The following PPIG variants were observed in gnomAD, a reference collection of about 807,000 sequenced individuals.
PPIG encodes peptidylprolyl isomerase G.
PPIG carries 26 observed loss-of-function variants against 87.9 expected under a neutral mutation model. The observed-to-expected ratio is 0.30, with a 90% CI of 0.22 to 0.41. PPIG has a LOEUF of 0.41. Among genes scored for constraint, PPIG ranks in the 10% least tolerant of loss-of-function variants. PPIG has a pLI of 1.00. For missense variants in PPIG, 722 were observed against 879.4 expected (o/e 0.82, Z 2.26); for synonymous variants, 308 against 276.5 (o/e 1.11, Z -1.13).
chr2:169,584,419 T>G lies in PPIG; in HGVS notation c.-141T>G, dbSNP rs910115286. 2 of 470,976 alleles carry G rather than the reference T, an allele frequency of 4.2e-6. No individual in the cohort carries two copies. The highest frequency in any genetic ancestry group is 8.8e-6 in the Non-Finnish European group (2 of 227,038). The allele number at this position is 470,976 out of a possible 1,614,324, so 29.2% of individuals were successfully genotyped here. On this transcript the variant is annotated 5_prime_UTR_variant, in exon 1 of 14. Coordinates refer to ENST00000260970, the MANE Select transcript of PPIG (RefSeq NM_004792.3). The stretch of plus-strand genomic sequence containing the variant: ...AGGCGGTTAGCGGGCTTTAGCGCCT[T>G]TTCTGGCGGCGGTAGATTTGAAGCG...
chr2:169,589,380 C>T (rs888482278), intron 1 of PPIG, among the ~76,000 whole-genome samples: 1 of 152,140 alleles, frequency 6.6e-6, no homozygotes, highest in African/African-American at 2.4e-5. Flanking sequence ...TGTAAATATA[C>T]TCAAATGTTT....
rs1686303545 is a variant in PPIG, at chr2:169,641,204, G to A, written c.*3681G>A. 3 of 152,052 alleles carry A rather than the reference G, an allele frequency of 2.0e-5. No homozygotes were observed. The South Asian group carries it at 6.2e-4, about 32-fold the overall frequency. 9.4% of individuals were successfully genotyped at this position (152,052 alleles called of 1,614,324 possible). ...TTCTTTTCCTAGCCCAAAAGTCACT[G>A]TGATTATATTTTTTTAATGAAGTTT... On this transcript the variant is annotated 3_prime_UTR_variant, in exon 14 of 14. Transcript: ENST00000260970.
chr2:169,603,236 C>T (rs755197386), intron 1 of PPIG, among the ~76,000 whole-genome samples: 4 of 152,172 alleles, frequency 2.6e-5, no homozygotes, highest in Admixed American at 6.5e-5. Flanking sequence ...GTTTCTTCTA[C>T]GGGTAAGTAT....
Position 169,614,508 on chromosome 2 carries a change from A to G in PPIG, c.407+15A>G, listed in dbSNP as rs369749948. On this transcript the variant is annotated intron_variant, in intron 8 of 13. Transcript: ENST00000260970. ...CATTTAGATGGGTAAATATTATTTT[A>G]TTTATTTTACAACCTGTTTTAAATT... The G allele has an allele frequency of 1.9e-5, 29 of 1,558,722 alleles. No individual in the cohort carries two copies. The highest frequency in any genetic ancestry group is 2.5e-5 in the Non-Finnish European group (29 of 1,147,040).
rs199817529 is a variant in PPIG at position 169,636,893 on chromosome 2, G to A, written c.1635G>A (p.Arg545=). 6.2e-7 allele frequency: 1 copy of A among 1,613,886 alleles called. No individual in the cohort carries two copies. The highest frequency in any genetic ancestry group is 1.3e-5 in the African/African-American group (1 of 75,012). ...SKEKDRRAQS[R]SRECDITKGK... Reference sequence around the variant, plus strand: ...AAAAGGATAGACGCGCACAATCCAGGAGTAGAGAATGTGATATAACTAAAG... The same window carrying A: ...AAAAGGATAGACGCGCACAATCCAGAAGTAGAGAATGTGATATAACTAAAG... Residue 545 remains arginine (R), a synonymous_variant, in exon 14 of 14, where the codon AGG becomes AGA. Coordinates refer to ENST00000260970, the MANE Select transcript of PPIG (RefSeq NM_004792.3).
chr2:169,614,384 T>A, intron 7 of PPIG, 80 bp from the exon 8 acceptor site: 1 of 1,287,438 alleles, frequency 7.8e-7, no homozygotes, highest in Non-Finnish European at 1.1e-6. Context: ...AATACAGTTA[T>A]TTTCTTTTTC....
chr2:169,630,828 C>G lies in PPIG; in HGVS notation c.602C>G (p.Ser201Cys), dbSNP rs1463479913. The change falls in exon 10 of 14, where the codon TCT becomes TGT. Residue 201 changes from serine to cysteine, a missense_variant. This residue lies in a region of PPIG where 142 missense variants were observed against 152.8 expected (regional missense o/e 0.93). Coordinates refer to ENST00000260970, the MANE Select transcript of PPIG (RefSeq NM_004792.3). ...HKSSSSSSSS[S>C]SDSDSSSDSQ... ...TCATCATCATCTTCCTCCTCCTCAT[C>G]TAGTGACTCAGATAGCTCAAGTGAT... The G allele has an allele frequency of 1.2e-6, 2 of 1,612,682 alleles. No individual in the cohort carries two copies. Among genetic ancestry groups the G allele is most frequent in the Non-Finnish European group, 1.7e-6 (2 of 1,179,448 alleles).
At position 169,637,783 on chromosome 2, in the gene PPIG, T is replaced by C; in HGVS notation, c.*260T>C. ...CTGTGTGCTGTGTTTAACTATTTTA[T>C]GTATGCATTACTGTGTTGCAACAAT... On this transcript the variant is annotated 3_prime_UTR_variant, in exon 14 of 14. Transcript: ENST00000260970. The C allele has an allele frequency of 3.4e-6, 1 of 291,080 alleles. No homozygotes were observed. The highest frequency in any genetic ancestry group is 9.1e-5 in the South Asian group (1 of 11,006). 18.0% of individuals were successfully genotyped at this position (291,080 alleles called of 1,614,324 possible).
At chr2:169,623,538 T>C (rs1257928662) in intron 9 of PPIG, among the ~76,000 whole-genome samples, 1 of 151,876 alleles carries the variant, frequency 6.6e-6, no homozygotes, top group African/African-American at 2.4e-5. Flanking sequence ...TGAGAAGAAA[T>C]GGGAGGAGGC....
intron 1 of PPIG, among the ~76,000 whole-genome samples, chr2:169,596,447 A>G (rs2105477779): frequency 6.6e-6 from 1 of 152,248 alleles, no homozygotes; most frequent in Admixed American, 6.5e-5. Context: ...GATCCCAGGG[A>G]AACTTTGGCC....
chr2:169,584,424 G>C lies in PPIG; in HGVS notation c.-136G>C, dbSNP rs941574940. 2.1e-6 allele frequency: 1 copy of C among 471,132 alleles called. No individual in the cohort carries two copies. Among genetic ancestry groups the C allele is most frequent in the East Asian group, 6.9e-5 (1 of 14,394 alleles). The allele number at this position is 471,132 out of a possible 1,614,324, so 29.2% of individuals were successfully genotyped here. A position where few individuals can be genotyped will look rare whatever the true frequency, so the allele number is the denominator to read the frequency against. ...GTTAGCGGGCTTTAGCGCCTTTTCT[G>C]GCGGCGGTAGATTTGAAGCGCTTCA... is the stretch of plus-strand genomic sequence containing the variant. On this transcript the variant is annotated 5_prime_UTR_variant, in exon 1 of 14. Coordinates refer to ENST00000260970, the MANE Select transcript of PPIG (RefSeq NM_004792.3).
At chr2:169,595,977 T>C (rs570034588) in intron 1 of PPIG, among the ~76,000 whole-genome samples, 1 of 151,826 alleles carries the variant, frequency 6.6e-6, no homozygotes, top group African/African-American at 2.4e-5. Context: ...GCTAATTTTG[T>C]ATTTTTAGTA....
chr2:169,633,337 T>C (rs1188621937), intron 12 of PPIG, 90 bp downstream of exon 12: 1 of 1,010,892 alleles, frequency 9.9e-7, no homozygotes, highest in South Asian at 1.4e-5. Context: ...TATTTTAATG[T>C]GCAAGTAACT....
Position 169,639,662 on chromosome 2 carries a change from G to A in PPIG, c.*2139G>A, listed in dbSNP as rs915266041. 1 of 152,136 alleles carries A rather than the reference G, an allele frequency of 6.6e-6. No individual in the cohort carries two copies. The highest frequency in any genetic ancestry group is 1.5e-5 in the Non-Finnish European group (1 of 67,966). The allele number at this position is 152,136 out of a possible 1,614,324, so 9.4% of individuals were successfully genotyped here. A position where few individuals can be genotyped will look rare whatever the true frequency, so the allele number is the denominator to read the frequency against. ...TATTAGCTCTCTTTACAGAACAGAT[G>A]TGAAGGAGTTGAGAGGACAATCAAC... is the stretch of plus-strand genomic sequence containing the variant. On this transcript the variant is annotated 3_prime_UTR_variant, in exon 14 of 14. Transcript: ENST00000260970.
intron 9 of PPIG, among the ~76,000 whole-genome samples, chr2:169,629,744 A>ACT (rs1185754752): frequency 8.5e-5 from 13 of 152,340 alleles, no homozygotes; most frequent in Non-Finnish European, 2.9e-5. Flanking sequence ...GTGCCTCACA[A>ACT]GAAGTTGTAA....
intron 9 of PPIG, among the ~76,000 whole-genome samples, chr2:169,627,727 A>ATTTTTTTTTTTTTTT (rs1685930108): frequency 2.8e-5 from 2 of 70,968 alleles, no homozygotes; most frequent in African/African-American, 9.0e-5. Context: ...TTTTTTTTTA[A>ATTTTTTTTTTTTTTT]TTTCAAACAC....
intron 9 of PPIG, among the ~76,000 whole-genome samples, chr2:169,620,587 G>A (rs907318983): frequency 6.6e-6 from 1 of 152,070 alleles, no homozygotes; most frequent in African/African-American, 2.4e-5. Flanking sequence ...ATTCAAGAGA[G>A]GAAGATAGAT....
chr2:169,618,708 AT>A (rs1685666980), intron 9 of PPIG, among the ~76,000 whole-genome samples: 1 of 151,600 alleles, frequency 6.6e-6, no homozygotes, highest in South Asian at 2.1e-4. Flanking sequence ...TCTCCCCTTT[AT>A]CATTTTTTAT....
At chr2:169,584,822 A>G (rs1684653977) in intron 1 of PPIG, 2 of 297,540 alleles carry the variant, frequency 6.7e-6, no homozygotes, top group South Asian at 2.7e-5. Context: ...ACATGGCGGC[A>G]GCGACTGCGG....
Sources: allele counts gnomAD v4.1 joint callset (sites outside exome capture counted in the v4.1 genomes callset), GRCh38; gene constraint gnomAD v4.1.1; regional missense constraint gnomAD v4.1.1; transcripts MANE v1.5; gene names NCBI Gene and HGNC (gene_info 2026-07-23, HGNC 2026-07-21).